Variants in SLC11A2 observed in about 807,000 individuals in gnomAD.
SLC11A2 encodes the protein solute carrier family 11 member 2.
SLC11A2 carries 38 observed loss-of-function variants against 68.0 expected under a neutral mutation model. The ratio of observed to expected loss-of-function variants is 0.56; its 90% CI spans 0.43 to 0.73. The LOEUF (loss-of-function observed/expected upper bound fraction) is 0.73. Among genes scored for constraint, SLC11A2 ranks in the 30% least tolerant of loss-of-function variants. The probability of loss-of-function intolerance (pLI) is 0.00; values close to 1 mark genes in which losing one functional copy is unlikely to be tolerated. For missense variants in SLC11A2, 517 were observed against 690.5 expected (o/e 0.75, Z 2.82); for synonymous variants, 242 against 250.6 (o/e 0.97, Z 0.32).
At chr12:51,013,948 A>C (rs906394061) in intron 1 of SLC11A2, among the ~76,000 whole-genome samples, 1 of 151,864 alleles carries the variant, frequency 6.6e-6, no homozygotes, top group African/African-American at 2.4e-5. Context: ...CAGCCTCCCG[A>C]GTAGCTGGGA....
chr12:50,975,460 A>G (rs1324665250), downstream of SLC11A2, among the ~76,000 whole-genome samples: 7 of 152,346 alleles, frequency 4.6e-5, no homozygotes, highest in Admixed American at 1.3e-4. Context: ...AAGGCACAAT[A>G]TACCAGAATC....
the SLC11A2 span, among the ~76,000 whole-genome samples, chr12:50,968,588 T>C: frequency 2.6e-5 from 4 of 152,050 alleles, no homozygotes; most frequent in African/African-American, 9.7e-5. Flanking sequence ...CTCACTCTGT[T>C]GCCCAGGCTG....
intron 3 of SLC11A2, chr12:51,008,019 G>A (rs1942874086): frequency 6.2e-6 from 1 of 161,174 alleles, no homozygotes; most frequent in South Asian, 1.6e-4. Context: ...GGGCAACATA[G>A]TGAGACCCTG....
intron 15 of SLC11A2, 126 bp from the exon 16 acceptor site, chr12:50,988,561 C>G (rs895624298): frequency 3.2e-5 from 47 of 1,468,058 alleles, no homozygotes; most frequent in Admixed American, 3.9e-5. Flanking sequence ...CTTCTACCAC[C>G]AAGGGTTGCA....
the SLC11A2 span, among the ~76,000 whole-genome samples, chr12:50,966,138 A>G: frequency 2.0e-5 from 3 of 152,150 alleles, no homozygotes; most frequent in Non-Finnish European, 4.4e-5. Context: ...GTCTTTGTCA[A>G]TCAAATGCTA....
intron 1 of SLC11A2, among the ~76,000 whole-genome samples, chr12:51,011,064 G>A (rs1057445075): frequency 2.6e-5 from 4 of 152,070 alleles, no homozygotes; most frequent in African/African-American, 7.2e-5. Flanking sequence ...AACCCTTCAC[G>A]GATGGCAGGG....
chr12:51,024,872 C>T (rs1592467329), intron 1 of SLC11A2: 1 of 152,270 alleles, frequency 6.6e-6, no homozygotes, highest in East Asian at 1.9e-4. Flanking sequence ...CCTCCCGAGT[C>T]CCACTGCCAT....
At chr12:50,992,649 T>C (rs556024633) in intron 12 of SLC11A2, among the ~76,000 whole-genome samples, 161 bp downstream of exon 12, 6 of 150,986 alleles carry the variant, frequency 4.0e-5, no homozygotes, top group African/African-American at 1.5e-4. Context: ...GGAGAATCAC[T>C]TGAACCCGGG....
chr12:50,995,562 C>T, intron 10 of SLC11A2, 67 bp downstream of exon 10: 1 of 1,471,208 alleles, frequency 6.8e-7, no homozygotes, highest in Non-Finnish European at 9.5e-7. Flanking sequence ...TATTTTCCTT[C>T]CCCATCCCAT....
the SLC11A2 span, among the ~76,000 whole-genome samples, chr12:50,963,786 G>A: frequency 6.6e-6 from 1 of 152,122 alleles, no homozygotes; most frequent in African/African-American, 2.4e-5. Context: ...CACTAACCCT[G>A]GTAATAAAAG....
intron 1 of SLC11A2, among the ~76,000 whole-genome samples, chr12:51,012,967 GC>G (rs1943351683): frequency 6.6e-6 from 1 of 152,146 alleles, no homozygotes; most frequent in Non-Finnish European, 1.5e-5. Flanking sequence ...TCACAGCACA[GC>G]CCCGACGTTC....
Position 50,987,559 on chromosome 12 carries a change from TCA to T in SLC11A2, c.*764_*765del. 5.4e-6 allele frequency: 7 copies of T among 1,287,154 alleles called. No homozygotes were observed. Among genetic ancestry groups the T allele is most frequent in the Non-Finnish European group, 7.1e-6 (7 of 988,670 alleles). The allele number at this position is 1,287,154 out of a possible 1,614,324, so 79.7% of individuals were successfully genotyped here. ...CACATGTGCTCAAGAGTAAATATCA[TCA>T]GGAAAGCTCTGTACTAACAGGCAGG... On this transcript the variant is annotated 3_prime_UTR_variant, in exon 16 of 16. Coordinates refer to ENST00000262052, the MANE Select transcript of SLC11A2 (RefSeq NM_000617.3).
the SLC11A2 span, chr12:50,960,938 C>G: frequency 6.5e-7 from 1 of 1,534,132 alleles, no homozygotes; most frequent in African/African-American, 1.4e-5. Context: ...CCTCAGCCTT[C>G]CAAATAACCC....
the SLC11A2 span, among the ~76,000 whole-genome samples, chr12:50,968,698 C>T: frequency 0.013 from 1,910 of 152,184 alleles, 39 homozygotes; most frequent in African/African-American, 0.043. Flanking sequence ...CCCGTCACCA[C>T]ACCTGGCTAA....
the SLC11A2 span, among the ~76,000 whole-genome samples, chr12:50,963,802 G>A: frequency 6.6e-6 from 1 of 152,160 alleles, no homozygotes; most frequent in Non-Finnish European, 1.5e-5. Context: ...AAAAGGAAAG[G>A]AATTCTGGAA....
At chr12:50,968,772 C>T in the SLC11A2 span, among the ~76,000 whole-genome samples, 1 of 151,628 alleles carries the variant, frequency 6.6e-6, no homozygotes. Flanking sequence ...AAACTCCTGA[C>T]CTCAAGTGAT....
At chr12:51,004,581 G>C (rs1380434929) in intron 5 of SLC11A2, among the ~76,000 whole-genome samples, 2 of 152,138 alleles carry the variant, frequency 1.3e-5, no homozygotes, top group East Asian at 3.8e-4. Context: ...TAGGAAATGC[G>C]AGTCTCAAGT....
chr12:50,957,650 C>T, the SLC11A2 span, among the ~76,000 whole-genome samples: 11 of 151,840 alleles, frequency 7.2e-5, no homozygotes, highest in African/African-American at 2.7e-4. Context: ...TTTGGGAGGC[C>T]GAGGTGGGCA....
chr12:50,970,864 C>A, the SLC11A2 span, among the ~76,000 whole-genome samples: 1 of 148,728 alleles, frequency 6.7e-6, no homozygotes, highest in African/African-American at 2.4e-5. Flanking sequence ...CAGAAGACTT[C>A]TCTTTTCTTT....
Sources: gnomAD v4.1 joint callset for allele counts (sites outside exome capture counted in the v4.1 genomes callset) on GRCh38, gnomAD v4.1.1 for gene constraint, MANE v1.5 for transcripts, NCBI Gene and HGNC (gene_info 2026-07-23, HGNC 2026-07-21) for gene names.